The following NKAIN2 variants were observed in gnomAD, a reference collection of about 807,000 sequenced individuals.
NKAIN2 encodes the protein sodium/potassium-transporting ATPase subunit beta-1-interacting protein 2.
NKAIN2 carries 14 observed loss-of-function variants against 32.6 expected under a neutral mutation model. The ratio of observed to expected loss-of-function variants is 0.43; its 90% confidence interval spans 0.28 to 0.67. NKAIN2 has a LOEUF of 0.67. NKAIN2 is among the 30% of genes least tolerant of loss of function. The probability of loss-of-function intolerance (pLI) is 0.17; values close to 1 mark genes in which losing one functional copy is unlikely to be tolerated. For synonymous variants in NKAIN2, 80 were observed against 87.2 expected (o/e 0.92, Z 0.46); for missense variants, 198 against 258.3 (o/e 0.77, Z 1.60).
intron 3 of NKAIN2, among the ~76,000 whole-genome samples, chr6:124,570,992 G>C (rs189703928): frequency 6.6e-5 from 10 of 152,314 alleles, no homozygotes; most frequent in African/African-American, 2.4e-4. Context: ...TTGCATCAGT[G>C]TGACCTGGAT....
At position 124,027,870 on chromosome 6, in the gene NKAIN2, T is replaced by C. The variant is rs530860853; in HGVS notation, c.54+223616T>C. Among the ~76,000 whole-genome samples, 15 of 152,328 alleles carry C rather than the reference T, an allele frequency of 9.8e-5. No individual in the cohort carries two copies. The South Asian group carries it at 3.1e-3, about 32-fold the overall frequency. On this transcript the variant is annotated intron_variant, in intron 1 of 6. Coordinates refer to ENST00000368417, the MANE Select transcript of NKAIN2 (RefSeq NM_001040214.3). ...CTTCAGTTAAAGAGAACTAAATATATTTTAAATAAACATCCAACCATGCCA... is the reference window on the plus strand; with the variant it reads ...CTTCAGTTAAAGAGAACTAAATATACTTTAAATAAACATCCAACCATGCCA...
chr6:124,239,207 A>G (rs1582904277), intron 1 of NKAIN2, among the ~76,000 whole-genome samples: 1 of 152,134 alleles, frequency 6.6e-6, no homozygotes, highest in South Asian at 2.1e-4. Context: ...GCGAACTATC[A>G]TAAATATATA....
chr6:124,544,427 C>A (rs1562247915), intron 3 of NKAIN2, among the ~76,000 whole-genome samples: 2 of 152,198 alleles, frequency 1.3e-5, no homozygotes, highest in East Asian at 3.9e-4. Context: ...TAGGTCCTCC[C>A]CTTTAGCAGG....
intron 3 of NKAIN2, among the ~76,000 whole-genome samples, chr6:124,591,987 A>T (rs1307246833): frequency 6.6e-6 from 1 of 152,184 alleles, no homozygotes; most frequent in Non-Finnish European, 1.5e-5. Flanking sequence ...CTAAGGTCAC[A>T]TAGTTAATAA....
At chr6:124,445,814 C>T (rs1248564368) in intron 3 of NKAIN2, among the ~76,000 whole-genome samples, 1 of 151,944 alleles carries the variant, frequency 6.6e-6, no homozygotes, top group Non-Finnish European at 1.5e-5. Context: ...GCTGCCCAGG[C>T]TTGGCATGTC....
At chr6:124,182,431 C>T (rs2114548689) in intron 1 of NKAIN2, among the ~76,000 whole-genome samples, 1 of 152,220 alleles carries the variant, frequency 6.6e-6, no homozygotes, top group Middle Eastern at 3.4e-3. Flanking sequence ...CTATATTGTA[C>T]CATAGACAAA....
chr6:124,340,572 T>G (rs1311491629), intron 2 of NKAIN2, among the ~76,000 whole-genome samples: 1 of 152,148 alleles, frequency 6.6e-6, no homozygotes, highest in Non-Finnish European at 1.5e-5. Context: ...TGCTGTTTCC[T>G]TCTTTGTATT....
chr6:124,438,728 C>T (rs1403734639), intron 3 of NKAIN2, among the ~76,000 whole-genome samples: 2 of 152,136 alleles, frequency 1.3e-5, no homozygotes, highest in African/African-American at 2.4e-5. Context: ...CTGTCACTAA[C>T]TAAATAACAT....
chr6:124,199,630 T>G (rs1790506712), intron 1 of NKAIN2, among the ~76,000 whole-genome samples: 1 of 152,192 alleles, frequency 6.6e-6, no homozygotes, highest in Non-Finnish European at 1.5e-5. Context: ...AATATGCATT[T>G]CTACACAAAG....
intron 1 of NKAIN2, among the ~76,000 whole-genome samples, chr6:123,824,908 G>A (rs535418845): frequency 5.9e-5 from 9 of 152,158 alleles, no homozygotes; most frequent in African/African-American, 2.2e-4. Context: ...AAAAAGCAAG[G>A]AAGTACATGA....
intron 1 of NKAIN2, among the ~76,000 whole-genome samples, chr6:124,023,533 A>G (rs1780968144): frequency 2.0e-5 from 3 of 152,236 alleles, no homozygotes; most frequent in South Asian, 2.1e-4. Flanking sequence ...TTTTTATGTC[A>G]ACATCTATGC....
At chr6:124,027,106 A>G (rs1441632744) in intron 1 of NKAIN2, among the ~76,000 whole-genome samples, 1 of 148,458 alleles carries the variant, frequency 6.7e-6, no homozygotes, top group Non-Finnish European at 1.5e-5. Context: ...TCCTTTGTCA[A>G]TCACTATTAC....
At chr6:124,790,613 G>A (rs1453610435) in intron 4 of NKAIN2, among the ~76,000 whole-genome samples, 2 of 152,052 alleles carry the variant, frequency 1.3e-5, no homozygotes, top group Non-Finnish European at 2.9e-5. Context: ...AGTTGACTAA[G>A]TAAATATTGT....
At chr6:124,081,924 G>A (rs1026710246) in intron 1 of NKAIN2, among the ~76,000 whole-genome samples, 1 of 152,116 alleles carries the variant, frequency 6.6e-6, no homozygotes, top group South Asian at 2.1e-4. Flanking sequence ...ATCCTCTTCA[G>A]TGTCTTGCTG....
intron 1 of NKAIN2, among the ~76,000 whole-genome samples, chr6:123,909,158 G>C (rs1284365609): frequency 6.6e-6 from 1 of 151,890 alleles, no homozygotes; most frequent in Non-Finnish European, 1.5e-5. Flanking sequence ...ACCTGTCTCT[G>C]AGTCTTCTTC....
intron 1 of NKAIN2, among the ~76,000 whole-genome samples, chr6:124,084,810 A>C (rs1026160303): frequency 2.0e-5 from 3 of 151,974 alleles, no homozygotes; most frequent in Non-Finnish European, 2.9e-5. Context: ...TGAAGAGAAC[A>C]TAGCAGGATT....
rs541060091 is a variant in NKAIN2 at position 124,817,926 on chromosome 6, T to C, written c.536-461T>C. Among the ~76,000 whole-genome samples, 253 of 152,324 alleles carry C rather than the reference T, an allele frequency of 1.7e-3. 2 individuals are homozygous for C. The highest frequency in any genetic ancestry group is 5.9e-3 in the African/African-American group (246 of 41,578). ...CTCCACCATAGTACCTTGCGCTTGG[T>C]AACCATAACATGTAATATTATTACT... On this transcript the variant is annotated intron_variant, in intron 5 of 6. Coordinates refer to ENST00000368417, the MANE Select transcript of NKAIN2 (RefSeq NM_001040214.3).
chr6:124,449,605 C>T (rs958624464), intron 3 of NKAIN2, among the ~76,000 whole-genome samples: 1 of 152,000 alleles, frequency 6.6e-6, no homozygotes, highest in Non-Finnish European at 1.5e-5. Flanking sequence ...ACATTTAGAC[C>T]TTCTTGTAAT....
chr6:123,955,555 C>T (rs1777534539), intron 1 of NKAIN2, among the ~76,000 whole-genome samples: 1 of 150,410 alleles, frequency 6.6e-6, no homozygotes, highest in Admixed American at 6.6e-5. Flanking sequence ...GTTGTGTCAC[C>T]CCTTAACATT....
Sources: allele counts gnomAD v4.1 joint callset (sites outside exome capture counted in the v4.1 genomes callset), GRCh38; gene constraint gnomAD v4.1.1; transcripts MANE v1.5; gene names NCBI Gene and HGNC (gene_info 2026-07-23, HGNC 2026-07-21).